Variants in DNAH2 observed in about 807,000 individuals in gnomAD.
The protein encoded by DNAH2 is dynein axonemal heavy chain 2.
Under a neutral mutation model 523.5 loss-of-function variants are expected in DNAH2, and 323 were observed. The observed-to-expected ratio is 0.62, with a 90% CI of 0.56 to 0.68. The LOEUF is 0.68. DNAH2 is among the 30% of genes least tolerant of loss of function. DNAH2 has a pLI of 0.00. For missense variants in DNAH2, 4,907 were observed against 5,701.5 expected (o/e 0.86, Z 4.49); for synonymous variants, 2,093 against 2,177.4 (o/e 0.96, Z 1.08).
intron 63 of DNAH2, among the ~76,000 whole-genome samples, chr17:7,813,414 C>T (rs2077574097): frequency 6.6e-6 from 1 of 151,766 alleles, no homozygotes; most frequent in Non-Finnish European, 1.5e-5. Flanking sequence ...TTTATTACAG[C>T]GTTGTTAATA....
chr17:7,737,918 G>A (rs2075188474), intron 8 of DNAH2: 1 of 698,648 alleles, frequency 1.4e-6, no homozygotes. Flanking sequence ...AAGGAGTTGG[G>A]TGTCAAGGAG....
chr17:7,722,193 G>C (rs899745086), intron 2 of DNAH2, among the ~76,000 whole-genome samples: 8 of 134,128 alleles, frequency 6.0e-5, no homozygotes, highest in East Asian at 5.5e-4. Flanking sequence ...GAGACGGGGG[G>C]GGGGGTTCAC....
chr17:7,827,325 A>G (rs2078048052), intron 77 of DNAH2, among the ~76,000 whole-genome samples: 1 of 151,930 alleles, frequency 6.6e-6, no homozygotes, highest in Non-Finnish European at 1.5e-5. Context: ...AAGATTGTAA[A>G]AGTACTCTCC....
chr17:7,768,367 C>G, intron 24 of DNAH2, 100 bp downstream of exon 24: 1 of 1,109,572 alleles, frequency 9.0e-7, no homozygotes, highest in Non-Finnish European at 1.3e-6. Flanking sequence ...TCACAGCCCT[C>G]TCTTCCCCTC....
rs118057786 is a variant in DNAH2 at position 7,759,801 on chromosome 17, C to T, written c.2648C>T (p.Ser883Leu). ...LQGSVAQVEF[S>L]PTLQTLAGVV... ...CTGGGTTCCTCACAGGTGGAATTCTCACCCACTCTGCAGACTTTGGCAGGT... is the reference window on the plus strand; with the variant it reads ...CTGGGTTCCTCACAGGTGGAATTCTTACCCACTCTGCAGACTTTGGCAGGT... The change falls in exon 17 of 86, where the codon TCA becomes TTA. Residue 883 changes from serine to leucine, a missense_variant. This residue lies in a region of DNAH2 where 2,806 missense variants were observed against 3,190.8 expected (regional missense o/e 0.88). Transcript: ENST00000572933. The T allele has an allele frequency of 0.012, 19,817 of 1,614,182 alleles. 176 individuals carry two copies. The highest frequency in any genetic ancestry group is 0.015 in the Non-Finnish European group (17,568 of 1,179,996).
rs1484079399 is a variant in DNAH2 at position 7,734,276 on chromosome 17, T to C, written c.722T>C (p.Leu241Pro). The change falls in exon 6 of 86, where the codon CTG becomes CCG. Residue 241 changes from leucine (L) to proline (P), a missense_variant. Physicochemically the swap from Leu to Pro is moderately conservative, Grantham distance 98 (BLOSUM62 -3). This residue lies in a region of DNAH2 where 2,806 missense variants were observed against 3,190.8 expected (regional missense o/e 0.88). Coordinates refer to ENST00000572933, the MANE Select transcript of DNAH2 (RefSeq NM_020877.5). Reference protein sequence around the residue: ...KPEMVIKDKELVQRLETSMIH... With the variant: ...KPEMVIKDKEPVQRLETSMIH... ...GAGATGGTGATAAAGGACAAAGAGC[T>C]GGTGCAACGGCTAGAGAGTGAGTGG... 1 of 1,607,406 alleles carries C rather than the reference T, an allele frequency of 6.2e-7. No homozygotes were observed. The highest frequency in any genetic ancestry group is 1.7e-5 in the Admixed American group (1 of 58,810).
chr17:7,799,992 G>T (rs1209592131), intron 56 of DNAH2, among the ~76,000 whole-genome samples: 1 of 152,228 alleles, frequency 6.6e-6, no homozygotes, highest in Non-Finnish European at 1.5e-5. Context: ...CTCCCCAGCT[G>T]CTGTCTCTTG....
chr17:7,743,032 C>T lies in DNAH2; in HGVS notation c.1794C>T (p.Thr598=). 1.3e-6 allele frequency: 2 copies of T among 1,524,456 alleles called. No individual in the cohort carries two copies. The highest frequency in any genetic ancestry group is 1.3e-5 in the South Asian group (1 of 74,852). 94.4% of individuals were successfully genotyped at this position (1,524,456 alleles called of 1,614,324 possible). A position where few individuals can be genotyped will look rare whatever the true frequency, so the allele number is the denominator to read the frequency against. Residue 598 remains threonine, a synonymous_variant, in exon 12 of 86, where the codon ACC becomes ACT. Transcript: ENST00000572933. ...CCATTGATGAGCTGGTTCGAAAAAC[C>T]TTCCAAGAGTGGACATCAAGTCTGG... ...VQAIDELVRK[T]FQEWTSSLDK...
chr17:7,761,176 AAAG>A (rs772211828), intron 18 of DNAH2, among the ~76,000 whole-genome samples: 12 of 152,196 alleles, frequency 7.9e-5, no homozygotes, highest in Non-Finnish European at 1.3e-4. Context: ...GCCTGGTGAG[AAAG>A]AAGAAGTTCC....
In DNAH2 at chr17:7,788,112, G is replaced by A. The variant is rs1185676234; in HGVS notation, c.6768G>A (p.Met2256Ile). The A allele has an allele frequency of 1.9e-6, 3 of 1,614,140 alleles. No homozygotes were observed. The Admixed American group carries it at 5.0e-5, about 27-fold the overall frequency. The change falls in exon 44 of 86, where the codon ATG becomes ATA. Residue 2256 changes from methionine (M) to isoleucine (I), a missense_variant. Met to Ile is a conservative substitution (Grantham distance 10). This residue lies in a region of DNAH2 where 2,806 missense variants were observed against 3,190.8 expected (regional missense o/e 0.88). Coordinates refer to ENST00000572933, the MANE Select transcript of DNAH2 (RefSeq NM_020877.5). Reference protein sequence around the residue: ...PKAEVEPLQRMFEKLINKMLA... With the variant: ...PKAEVEPLQRIFEKLINKMLA... Reference sequence around the variant, plus strand: ...CTGAGGTGGAGCCCCTTCAACGCATGTTCGAAAAGCTCATCAACAAGATGC... The same window carrying A: ...CTGAGGTGGAGCCCCTTCAACGCATATTCGAAAAGCTCATCAACAAGATGC...
Position 7,754,245 on chromosome 17 carries a change from C to T in DNAH2, c.1905-2846C>T, listed in dbSNP as rs955451106. On this transcript the variant is annotated intron_variant, in intron 12 of 85. Coordinates refer to ENST00000572933, the MANE Select transcript of DNAH2 (RefSeq NM_020877.5). The surrounding 1 kb of genome is among the most constrained non-coding windows in gnomAD (Gnocchi z 4.6). ...TCCTTTTAATATTGTAGAAACTTGG[C>T]CAAACTTAAATGATGGGAAGGAACT... 2.9e-5 allele frequency: 7 copies of T among 242,366 alleles called. No homozygotes were observed. The highest frequency in any genetic ancestry group is 4.7e-5 in the Non-Finnish European group (6 of 128,458). 15.0% of individuals were successfully genotyped at this position (242,366 alleles called of 1,614,324 possible). A position where few individuals can be genotyped will look rare whatever the true frequency, so the allele number is the denominator to read the frequency against.
In DNAH2 at chr17:7,765,373, A is replaced by C; in HGVS notation, c.3337-18A>C. On this transcript the variant is annotated intron_variant, in intron 20 of 85. Coordinates refer to ENST00000572933, the MANE Select transcript of DNAH2 (RefSeq NM_020877.5). The stretch of plus-strand genomic sequence containing the variant: ...GACCTCCTGCTCCTGGTCATCCTCC[A>C]CTCTCTGACTCCCCCAGGTCCTGGA... 6.2e-7 allele frequency: 1 copy of C among 1,604,816 alleles called. No individual in the cohort carries two copies.
chr17:7,832,551 A>C lies in DNAH2; in HGVS notation c.12727-28A>C, dbSNP rs772554911. On this transcript the variant is annotated intron_variant, in intron 82 of 85. Transcript: ENST00000572933. The surrounding 1 kb of genome is among the most constrained non-coding windows in gnomAD (Gnocchi z 4.3). ...ACGGATTTGAATGCACGGCTAAATG[A>C]GTGAATACACACGCACTCCTTCCCC... is the stretch of plus-strand genomic sequence containing the variant. 2 of 1,607,858 alleles carry C rather than the reference A, an allele frequency of 1.2e-6. No homozygotes were observed. The highest frequency in any genetic ancestry group is 1.7e-5 in the Admixed American group (1 of 58,716).
At position 7,786,258 on chromosome 17, in the gene DNAH2, C is replaced by T. The variant is rs117091920; in HGVS notation, c.6264C>T (p.Ser2088=). The change falls in exon 40 of 86, where the codon AGC becomes AGT. Residue 2088 remains serine, a synonymous_variant. Coordinates refer to ENST00000572933, the MANE Select transcript of DNAH2 (RefSeq NM_020877.5). The surrounding 1 kb of genome is among the most constrained non-coding windows in gnomAD (Gnocchi z 7.5). The stretch of plus-strand genomic sequence containing the variant: ...CCATGATCGTGGGCTGCACGGGCAG[C>T]GGCAAGACTGCCTCATGGCGCATTC... ...HSTMIVGCTG[S]GKTASWRILQ... 14,726 of 1,614,012 alleles carry T rather than the reference C, an allele frequency of 9.1e-3. 99 individuals carry two copies. Among genetic ancestry groups the T allele is most frequent in the Non-Finnish European group, 0.01 (12,081 of 1,180,012 alleles).
chr17:7,748,405 C>A (rs2075576593), intron 12 of DNAH2, among the ~76,000 whole-genome samples: 1 of 152,208 alleles, frequency 6.6e-6, no homozygotes, highest in Admixed American at 6.5e-5. Flanking sequence ...CACTCAATTC[C>A]TCTGGCTTTC....
intron 12 of DNAH2, among the ~76,000 whole-genome samples, chr17:7,750,981 C>T (rs551593703): frequency 4.2e-4 from 64 of 152,256 alleles, no homozygotes; most frequent in Non-Finnish European, 7.1e-4. Context: ...CCTCAATATT[C>T]TTTCCAAATA....
Position 7,798,258 on chromosome 17 carries a change from A to G in DNAH2, c.8332A>G (p.Ile2778Val), listed in dbSNP as rs762192298. ...RQSLARLASS[I>V]CDYTTFQIEV... ...GAGTCTGGCCCGCCTGGCTTCATCC[A>G]TCTGCGACTACACCACCTTCCAGAT... The change falls in exon 54 of 86, where the codon ATC (isoleucine) becomes GTC (valine). Residue 2778 changes from isoleucine to valine, a missense_variant. This residue lies in a region of DNAH2 where 1,851 missense variants were observed against 2,139.4 expected (regional missense o/e 0.87). Transcript: ENST00000572933. The surrounding 1 kb of genome is among the most constrained non-coding windows in gnomAD (Gnocchi z 5.5). The G allele has an allele frequency of 4.3e-6, 7 of 1,613,820 alleles. No individual in the cohort carries two copies. The highest frequency in any genetic ancestry group is 5.1e-6 in the Non-Finnish European group (6 of 1,179,840).
chr17:7,791,467 G>T (rs533362292), intron 44 of DNAH2, among the ~76,000 whole-genome samples: 1 of 152,278 alleles, frequency 6.6e-6, no homozygotes, highest in African/African-American at 2.4e-5. Context: ...ATTACTACAC[G>T]TAGATTCATT....
intron 1 of DNAH2, among the ~76,000 whole-genome samples, chr17:7,719,119 C>CTGTT (rs57946295): frequency 0.78 from 113,289 of 145,932 alleles, 43,734 homozygotes; most frequent in Non-Finnish European, 0.79. Flanking sequence ...AGTGGGGTGT[C>CTGTT]TGGCCATCTT....
Sources: allele counts gnomAD v4.1 joint callset (sites outside exome capture counted in the v4.1 genomes callset), GRCh38; gene constraint gnomAD v4.1.1; regional missense constraint gnomAD v4.1.1; non-coding constraint Gnocchi (gnomAD v3.1); transcripts MANE v1.5; gene names NCBI Gene and HGNC (gene_info 2026-07-23, HGNC 2026-07-21).